Variants in MAPKAP1 observed in about 807,000 individuals in gnomAD.
MAPKAP1 encodes the protein target of rapamycin complex 2 subunit MAPKAP1.
A neutral mutation model predicts 65.7 loss-of-function variants in MAPKAP1; 20 were observed. That is an observed-to-expected ratio of 0.30 (90% CI 0.21 to 0.44). MAPKAP1 has a LOEUF of 0.44. MAPKAP1 is among the 20% of genes least tolerant of loss of function. The pLI is 1.00. For missense variants in MAPKAP1, 423 were observed against 648.0 expected (o/e 0.65, Z 3.77); for synonymous variants, 222 against 244.3 (o/e 0.91, Z 0.85).
chr9:125,516,880 C>T (rs927037714), intron 7 of MAPKAP1, among the ~76,000 whole-genome samples: 1 of 152,094 alleles, frequency 6.6e-6, no homozygotes, highest in Non-Finnish European at 1.5e-5. Context: ...ATCAACTTGC[C>T]CTTTTTGAAA....
intron 1 of MAPKAP1, among the ~76,000 whole-genome samples, chr9:125,672,879 A>C (rs536702624): frequency 6.6e-6 from 1 of 152,364 alleles, no homozygotes. Flanking sequence ...GCACTCTTGC[A>C]AAACAAATCA....
chr9:125,622,054 T>G (rs749399107), intron 4 of MAPKAP1, among the ~76,000 whole-genome samples: 2 of 152,214 alleles, frequency 1.3e-5, no homozygotes, highest in Non-Finnish European at 2.9e-5. Flanking sequence ...ATACCACATG[T>G]TCTCACTCAT....
chr9:125,485,488 G>T (rs1220956575), intron 8 of MAPKAP1, among the ~76,000 whole-genome samples: 1 of 152,230 alleles, frequency 6.6e-6, no homozygotes, highest in Non-Finnish European at 1.5e-5. Context: ...GGCAATCGGG[G>T]CAGCCCATAA....
chr9:125,609,984 G>A (rs1455729848), intron 4 of MAPKAP1, among the ~76,000 whole-genome samples: 4 of 152,160 alleles, frequency 2.6e-5, no homozygotes, highest in African/African-American at 7.2e-5. Context: ...AGGTCACACA[G>A]CCAGTAAGAT....
intron 4 of MAPKAP1, among the ~76,000 whole-genome samples, chr9:125,611,507 C>CA (rs1832599864): frequency 6.6e-6 from 1 of 152,056 alleles, no homozygotes; most frequent in Admixed American, 6.5e-5. Context: ...GGTTCGGAGG[C>CA]AATGTCTGAA....
In MAPKAP1 at chr9:125,656,080, G is replaced by T. The variant is rs141966876; in HGVS notation, c.498+1571C>A. ...TTTTAAAAGATCTGTGCTATTTTTT[G>T]ATATAAACACATTATCACACATCAA... is the stretch of plus-strand genomic sequence containing the variant. On this transcript the variant is annotated intron_variant, in intron 4 of 11. Coordinates refer to ENST00000265960, the MANE Select transcript of MAPKAP1 (RefSeq NM_001006617.3). Among the ~76,000 whole-genome samples the T allele has an allele frequency of 3.3e-3, 505 of 152,228 alleles. 6 individuals carry two copies. The highest frequency in any genetic ancestry group is 0.012 in the African/African-American group (482 of 41,538).
intron 4 of MAPKAP1, among the ~76,000 whole-genome samples, chr9:125,615,851 T>C (rs1832730113): frequency 6.6e-6 from 1 of 151,672 alleles, no homozygotes; most frequent in South Asian, 2.1e-4. Context: ...GAGGCGGATG[T>C]TGCAGTGAGC....
chr9:125,642,980 ACCT>A (rs1441831867), intron 4 of MAPKAP1, among the ~76,000 whole-genome samples: 2 of 151,396 alleles, frequency 1.3e-5, no homozygotes, highest in Admixed American at 6.6e-5. Context: ...GCTCACTGCA[ACCT>A]CCTCCTCCCA....
chr9:125,459,854 G>GGGAGAGGGAGAGGGAGA (rs1853407772), intron 10 of MAPKAP1, among the ~76,000 whole-genome samples: 1 of 127,356 alleles, frequency 7.9e-6, no homozygotes. Flanking sequence ...GGGAGACCGT[G>GGGAGAGGGAGAGGGAGA]GGGAGAGGGA....
chr9:125,457,623 G>A (rs1486462837), intron 10 of MAPKAP1, among the ~76,000 whole-genome samples: 2 of 152,198 alleles, frequency 1.3e-5, no homozygotes, highest in Non-Finnish European at 2.9e-5. Context: ...CTTTGTTCTG[G>A]TAGAAGCTAA....
At chr9:125,515,243 C>T (rs190846214) in intron 7 of MAPKAP1, among the ~76,000 whole-genome samples, 1 of 152,142 alleles carries the variant, frequency 6.6e-6, no homozygotes, top group African/African-American at 2.4e-5. Context: ...AAGGCTGTTC[C>T]AATAAACCAA....
intron 8 of MAPKAP1, among the ~76,000 whole-genome samples, chr9:125,489,804 C>G (rs1336563454): frequency 6.6e-6 from 1 of 151,916 alleles, no homozygotes; most frequent in Non-Finnish European, 1.5e-5. Flanking sequence ...TGGGAGGCAG[C>G]CTTGGGGATT....
chr9:125,573,563 CTT>C (rs1356459311), intron 5 of MAPKAP1, among the ~76,000 whole-genome samples: 1 of 152,224 alleles, frequency 6.6e-6, no homozygotes, highest in East Asian at 1.9e-4. Context: ...TCTTAACAAA[CTT>C]GCTTTCATTT....
At chr9:125,627,940 T>C (rs1273664253) in intron 4 of MAPKAP1, among the ~76,000 whole-genome samples, 1 of 152,224 alleles carries the variant, frequency 6.6e-6, no homozygotes, top group Non-Finnish European at 1.5e-5. Flanking sequence ...TGAAGCATCC[T>C]GCCTTGTACC....
At position 125,439,255 on chromosome 9, in the gene MAPKAP1, G is replaced by A. The variant is rs1180371966; in HGVS notation, c.1444-243C>T. ...GGCCAGTCCAGGCTTCCCAGTCAGTGAGCGGCGAGCTCTTCAGGTTCCGGA... is the reference window on the plus strand; with the variant it reads ...GGCCAGTCCAGGCTTCCCAGTCAGTAAGCGGCGAGCTCTTCAGGTTCCGGA... On this transcript the variant is annotated intron_variant, in intron 11 of 11. Transcript: ENST00000265960. The surrounding 1 kb of genome is among the most constrained non-coding windows in gnomAD (Gnocchi z 4.0). Among the ~76,000 whole-genome samples the A allele has an allele frequency of 2.6e-5, 4 of 152,238 alleles. No homozygotes were observed. Among genetic ancestry groups the A allele is most frequent in the African/African-American group, 9.6e-5 (4 of 41,476 alleles).
At chr9:125,460,964 G>A (rs1366009776) in intron 10 of MAPKAP1, among the ~76,000 whole-genome samples, 1 of 152,214 alleles carries the variant, frequency 6.6e-6, no homozygotes, top group East Asian at 1.9e-4. Context: ...AAATAGGCAT[G>A]CCTAAAGCAC....
chr9:125,499,053 A>C (rs1485720002), intron 8 of MAPKAP1, among the ~76,000 whole-genome samples: 1 of 152,216 alleles, frequency 6.6e-6, no homozygotes, highest in Non-Finnish European at 1.5e-5. Context: ...GAATCCTATC[A>C]ATCTTATGAG....
chr9:125,583,968 T>C (rs967824617), intron 5 of MAPKAP1, among the ~76,000 whole-genome samples: 8 of 150,606 alleles, frequency 5.3e-5, no homozygotes, highest in Admixed American at 1.3e-4. Context: ...GAGGCTGAGG[T>C]AGGAGAATGG....
chr9:125,545,874 G>A (rs1327437302), intron 6 of MAPKAP1, among the ~76,000 whole-genome samples: 5 of 152,132 alleles, frequency 3.3e-5, no homozygotes, highest in African/African-American at 1.2e-4. Context: ...ATTGTGTGGT[G>A]GAGGAATAAA....
Sources: allele counts gnomAD v4.1 joint callset (sites outside exome capture counted in the v4.1 genomes callset), GRCh38; gene constraint gnomAD v4.1.1; non-coding constraint Gnocchi (gnomAD v3.1); transcripts MANE v1.5; gene names NCBI Gene and HGNC (gene_info 2026-07-23, HGNC 2026-07-21).